The following TRAPPC9 variants were observed in gnomAD, a reference collection of about 807,000 sequenced individuals.
TRAPPC9 encodes trafficking protein particle complex subunit 9, also known as IKK2 binding protein.
Under a neutral mutation model 124.0 loss-of-function variants are expected in TRAPPC9, and 83 were observed. The ratio of observed to expected loss-of-function variants is 0.67; its 90% CI spans 0.56 to 0.80. The LOEUF is 0.80. TRAPPC9 is among the 30% of genes least tolerant of loss of function. The probability of loss-of-function intolerance (pLI) is 0.00; values close to 1 mark genes in which losing one functional copy is unlikely to be tolerated. For missense variants in TRAPPC9, 1,302 were observed against 1,508.3 expected, an observed-to-expected ratio of 0.86 and a Z score of 2.27; for synonymous variants, 638 against 617.5, an observed-to-expected ratio of 1.03 and a Z score of -0.49.
intron 19 of TRAPPC9, among the ~76,000 whole-genome samples, chr8:139,972,215 G>A (rs1192644130): frequency 1.3e-5 from 2 of 152,100 alleles, no homozygotes; most frequent in African/African-American, 4.8e-5. Flanking sequence ...AAGCTTCAGG[G>A]AGAATTGAGC....
At chr8:140,386,199 A>G (rs1301345885) in intron 7 of TRAPPC9, among the ~76,000 whole-genome samples, 1 of 152,220 alleles carries the variant, frequency 6.6e-6, no homozygotes, top group African/African-American at 2.4e-5. Flanking sequence ...TGACAAACCC[A>G]CAGCCAACAT....
intron 5 of TRAPPC9, among the ~76,000 whole-genome samples, chr8:140,421,984 C>CAAAAAA (rs35152459): frequency 2.3e-3 from 102 of 43,678 alleles, no homozygotes; most frequent in African/African-American, 2.8e-3. Flanking sequence ...TCCCTCATGA[C>CAAAAAA]AAAAAAAAAA....
chr8:139,999,166 T>C (rs1486977938), intron 18 of TRAPPC9, among the ~76,000 whole-genome samples: 2 of 152,070 alleles, frequency 1.3e-5, no homozygotes, highest in African/African-American at 4.8e-5. Flanking sequence ...GTCTCATTAA[T>C]AGACAGAGAT....
At chr8:140,154,677 C>T (rs2061599891) in intron 17 of TRAPPC9, among the ~76,000 whole-genome samples, 1 of 152,208 alleles carries the variant, frequency 6.6e-6, no homozygotes, top group Non-Finnish European at 1.5e-5. Flanking sequence ...CCTGGTCTTA[C>T]ACCCTTGTCT....
intron 3 of TRAPPC9, among the ~76,000 whole-genome samples, chr8:140,438,016 C>T (rs1267430900): frequency 6.6e-6 from 1 of 152,160 alleles, no homozygotes; most frequent in Non-Finnish European, 1.5e-5. Flanking sequence ...ACATAGAGTT[C>T]ACATACCATA....
At chr8:140,447,116 C>T (rs1416304001) in intron 2 of TRAPPC9, among the ~76,000 whole-genome samples, 1 of 152,070 alleles carries the variant, frequency 6.6e-6, no homozygotes, top group African/African-American at 2.4e-5. Flanking sequence ...CCAGGAAAAC[C>T]CCCTAAAGCC....
chr8:140,252,847 C>T lies in TRAPPC9; in HGVS notation c.2361G>A (p.Thr787=), dbSNP rs145964915. 2.7e-5 allele frequency: 44 copies of T among 1,614,040 alleles called. No individual in the cohort carries two copies. The highest frequency in any genetic ancestry group is 2.0e-4 in the South Asian group (18 of 91,084). Residue 787 remains threonine, a synonymous_variant, in exon 16 of 23, where the codon ACG becomes ACA. Coordinates refer to ENST00000438773, the MANE Select transcript of TRAPPC9 (RefSeq NM_001160372.4). The surrounding 1 kb of genome is among the most constrained non-coding windows in gnomAD (Gnocchi z 4.2). ...QFPLQPGKVA[T]FTINIKVKLD... ...GCTTCACTTTGATGTTGATTGTGAACGTGGCCACCTTCCCAGGCTGCAAAG... is the reference window on the plus strand; with the variant it reads ...GCTTCACTTTGATGTTGATTGTGAATGTGGCCACCTTCCCAGGCTGCAAAG...
chr8:140,072,432 C>A (rs575042671), intron 17 of TRAPPC9, among the ~76,000 whole-genome samples: 2 of 151,830 alleles, frequency 1.3e-5, no homozygotes. Context: ...GCAGGAGAAT[C>A]GCTTGAACGC....
At chr8:139,879,391 G>A (rs566921916) in intron 21 of TRAPPC9, among the ~76,000 whole-genome samples, 74 of 152,308 alleles carry the variant, frequency 4.9e-4, no homozygotes, top group African/African-American at 1.7e-3. Context: ...GCAGGTGCAG[G>A]ACGTGGTCAT....
chr8:140,409,876 C>T (rs2069633617), intron 5 of TRAPPC9, among the ~76,000 whole-genome samples: 1 of 152,076 alleles, frequency 6.6e-6, no homozygotes, highest in African/African-American at 2.4e-5. Context: ...GTGGCTCACA[C>T]CTATAACCCC....
rs147763206 is a variant in TRAPPC9 at position 140,138,847 on chromosome 8, G to A, written c.2556+82612C>T. Among the ~76,000 whole-genome samples, 89 of 152,122 alleles carry A rather than the reference G, an allele frequency of 5.9e-4. 1 individual carries two copies. The East Asian group carries it at 9.1e-3, about 16-fold the overall frequency. ...ATGGGGGGATTGGTGTCAGATACAC[G>A]GCAGCATGGTCAACCCTGATCTAGG... On this transcript the variant is annotated intron_variant, in intron 17 of 22. Transcript: ENST00000438773.
At chr8:139,938,807 G>A (rs1001437372) in intron 19 of TRAPPC9, among the ~76,000 whole-genome samples, 95 of 149,482 alleles carry the variant, frequency 6.4e-4, no homozygotes, top group Admixed American at 1.7e-3. Context: ...CACCACGCCC[G>A]GCTAATTTTT....
upstream of TRAPPC9, chr8:140,458,322 G>A: frequency 2.5e-6 from 4 of 1,574,344 alleles, no homozygotes; most frequent in Non-Finnish European, 2.6e-6. Flanking sequence ...CTTCCTCTGT[G>A]AAGCTCAGGG....
At chr8:140,186,103 G>A (rs796518647) in intron 17 of TRAPPC9, among the ~76,000 whole-genome samples, 1 of 152,336 alleles carries the variant, frequency 6.6e-6, no homozygotes, top group African/African-American at 2.4e-5. Context: ...ATAAAGCCCT[G>A]TGAAAATTAT....
Position 140,270,332 on chromosome 8 carries a change from C to T in TRAPPC9, c.2278+5326G>A, listed in dbSNP as rs142132596. 2.6e-4 allele frequency among the ~76,000 whole-genome samples: 39 copies of T among 152,308 alleles called. 1 individual carries two copies. The East Asian group carries it at 5.6e-3, about 22-fold the overall frequency. Reference sequence around the variant, plus strand: ...TCAAAATCGCACAGTGGTTCCCACACGCTTGTCTACGTCCTCCACTCAGCC... The same window carrying T: ...TCAAAATCGCACAGTGGTTCCCACATGCTTGTCTACGTCCTCCACTCAGCC... On this transcript the variant is annotated intron_variant, in intron 15 of 22. Coordinates refer to ENST00000438773, the MANE Select transcript of TRAPPC9 (RefSeq NM_001160372.4).
At chr8:140,319,028 G>A (rs1422390334) in intron 9 of TRAPPC9, among the ~76,000 whole-genome samples, 1 of 152,206 alleles carries the variant, frequency 6.6e-6, no homozygotes, top group Non-Finnish European at 1.5e-5. Context: ...CATGTTCACA[G>A]CATATGATTT....
At chr8:139,971,744 T>TACACACAC (rs200935564) in intron 19 of TRAPPC9, among the ~76,000 whole-genome samples, 7 of 11,246 alleles carry the variant, frequency 6.2e-4, no homozygotes, top group Non-Finnish European at 1.4e-3. Context: ...CACACATATA[T>TACACACAC]ATATACACAC....
At chr8:140,030,452 G>A (rs565393465) in intron 17 of TRAPPC9, among the ~76,000 whole-genome samples, 2 of 152,134 alleles carry the variant, frequency 1.3e-5, no homozygotes, top group African/African-American at 4.8e-5. Context: ...AAATAGCTAG[G>A]TAAATCCTCC....
At chr8:140,340,307 C>A (rs1250326561) in intron 9 of TRAPPC9, among the ~76,000 whole-genome samples, 1 of 152,194 alleles carries the variant, frequency 6.6e-6, no homozygotes, top group African/African-American at 2.4e-5. Context: ...AACTTTAGCT[C>A]GTTACTCTGT....
Sources: allele counts gnomAD v4.1 joint callset (sites outside exome capture counted in the v4.1 genomes callset), GRCh38; gene constraint gnomAD v4.1.1; non-coding constraint Gnocchi (gnomAD v3.1); transcripts MANE v1.5; gene names NCBI Gene and HGNC (gene_info 2026-07-23, HGNC 2026-07-21).